Variants in FIGN observed in about 807,000 individuals in gnomAD.
The protein encoded by FIGN is fidgetin.
In FIGN, 11 loss-of-function variants were observed where a neutral mutation model predicts 51.3. That is an observed-to-expected ratio of 0.21 (90% CI 0.13 to 0.35). The LOEUF (loss-of-function observed/expected upper bound fraction) is 0.35. Among genes scored for constraint, FIGN ranks in the 10% least tolerant of loss-of-function variants. FIGN has a pLI of 1.00. For missense variants in FIGN, 857 were observed against 943.6 expected (o/e 0.91, Z 1.20); for synonymous variants, 407 against 363.2 (o/e 1.12, Z -1.37).
chr2:163,611,872 C>T (rs1691270240), intron 2 of FIGN, 66 bp from the exon 3 acceptor site: 2 of 1,392,654 alleles, frequency 1.4e-6, no homozygotes, highest in Non-Finnish European at 1.9e-6. Flanking sequence ...AAAGCTTTTC[C>T]CCCAATTTCT....
chr2:163,663,111 G>T (rs1467362794), intron 2 of FIGN, among the ~76,000 whole-genome samples: 1 of 151,998 alleles, frequency 6.6e-6, no homozygotes, highest in African/African-American at 2.4e-5. Context: ...GGTAGAGATG[G>T]GGTTTCACCA....
chr2:163,735,019 T>C lies in FIGN; in HGVS notation c.-92A>G, dbSNP rs769037464. Reference sequence around the variant, plus strand: ...CATTAAAGCCACTTTTCCTCTCAGCTATCAAATGTCACTGCCTTGAAACGT... The same window carrying C: ...CATTAAAGCCACTTTTCCTCTCAGCCATCAAATGTCACTGCCTTGAAACGT... On this transcript the variant is annotated 5_prime_UTR_variant, in exon 2 of 3. In the 5' UTR this introduces an upstream ATG that the reference lacks. Coordinates refer to ENST00000333129, the MANE Select transcript of FIGN (RefSeq NM_018086.4). The C allele has an allele frequency of 7.4e-7, 1 of 1,358,878 alleles. No homozygotes were observed. The highest frequency in any genetic ancestry group is 1.2e-5 in the South Asian group (1 of 81,222). The allele number at this position is 1,358,878 out of a possible 1,614,324, so 84.2% of individuals were successfully genotyped here. A position where few individuals can be genotyped will look rare whatever the true frequency, so the allele number is the denominator to read the frequency against.
chr2:163,669,721 G>A (rs1683845211), intron 2 of FIGN, among the ~76,000 whole-genome samples: 2 of 152,156 alleles, frequency 1.3e-5, no homozygotes, highest in African/African-American at 4.8e-5. Context: ...AGATGACAAA[G>A]AGTTCACAAG....
intron 2 of FIGN, among the ~76,000 whole-genome samples, chr2:163,614,509 G>A (rs1682836272): frequency 6.6e-6 from 1 of 151,776 alleles, no homozygotes; most frequent in Non-Finnish European, 1.5e-5. Context: ...TTCTATTATG[G>A]TTCTTTTCTT....
chr2:163,609,486 C>T lies in FIGN; in HGVS notation c.*66G>A, dbSNP rs1691181686. The T allele has an allele frequency of 7.2e-7, 1 of 1,382,858 alleles. No individual in the cohort carries two copies. The highest frequency in any genetic ancestry group is 1.3e-5 in the South Asian group (1 of 74,764). The allele number at this position is 1,382,858 out of a possible 1,614,324, so 85.7% of individuals were successfully genotyped here. A position where few individuals can be genotyped will look rare whatever the true frequency, so the allele number is the denominator to read the frequency against. ...AACTCTACTGGAAAGGGGCTCTATT[C>T]CCTATGTAGCAGGTTTTATGTGTGT... On this transcript the variant is annotated 3_prime_UTR_variant, in exon 3 of 3. Transcript: ENST00000333129.
At chr2:163,697,204 G>A (rs954761987) in intron 2 of FIGN, among the ~76,000 whole-genome samples, 6 of 148,632 alleles carry the variant, frequency 4.0e-5, no homozygotes, top group East Asian at 2.0e-4. Context: ...GGGTTCAAGC[G>A]ATTCACCTGC....
At chr2:163,614,357 A>G (rs1386686744) in intron 2 of FIGN, among the ~76,000 whole-genome samples, 1 of 152,182 alleles carries the variant, frequency 6.6e-6, no homozygotes, top group Non-Finnish European at 1.5e-5. Context: ...ACCAATCGCA[A>G]GTAATCAGTA....
In FIGN at chr2:163,602,837, C is replaced by G. The variant is rs1481905779; in HGVS notation, c.*6715G>C. 1 of 151,896 alleles carries G rather than the reference C, an allele frequency of 6.6e-6. No homozygotes were observed. The highest frequency in any genetic ancestry group is 6.6e-5 in the Admixed American group (1 of 15,216). The allele number at this position is 151,896 out of a possible 1,614,324, so 9.4% of individuals were successfully genotyped here. A position where few individuals can be genotyped will look rare whatever the true frequency, so the allele number is the denominator to read the frequency against. ...GCAAGTATTTATGAAAAGGAATATT[C>G]AGTAGGGACAGTTGTTACAATACTG... On this transcript the variant is annotated 3_prime_UTR_variant, in exon 3 of 3. Coordinates refer to ENST00000333129, the MANE Select transcript of FIGN (RefSeq NM_018086.4).
chr2:163,622,174 T>C (rs974787918), intron 2 of FIGN, among the ~76,000 whole-genome samples: 3 of 152,074 alleles, frequency 2.0e-5, no homozygotes, highest in African/African-American at 7.2e-5. Flanking sequence ...AAAATTAAAG[T>C]TGCTCTTTAC....
intron 2 of FIGN, among the ~76,000 whole-genome samples, chr2:163,712,374 CA>C (rs1161488107): frequency 6.6e-6 from 1 of 151,828 alleles, no homozygotes; most frequent in Non-Finnish European, 1.5e-5. Context: ...AGTTAAAAAA[CA>C]AAAAAAGGAC....
At chr2:163,665,310 A>C (rs532060304) in intron 2 of FIGN, among the ~76,000 whole-genome samples, 11 of 152,376 alleles carry the variant, frequency 7.2e-5, no homozygotes, top group African/African-American at 2.4e-4. Context: ...GCCATTCTTC[A>C]TGTAAGAAAG....
intron 2 of FIGN, among the ~76,000 whole-genome samples, chr2:163,645,245 A>G (rs1561608): frequency 0.86 from 131,169 of 152,102 alleles, 56,755 homozygotes; most frequent in Middle Eastern, 0.91. Flanking sequence ...CATGTTCAGG[A>G]AAAGAAGAGA....
chr2:163,730,625 T>G (rs1684913321), intron 2 of FIGN, among the ~76,000 whole-genome samples: 1 of 152,026 alleles, frequency 6.6e-6, no homozygotes, highest in Non-Finnish European at 1.5e-5. Flanking sequence ...AATAAAACAC[T>G]AGCTCTTGTA....
At chr2:163,626,553 T>G (rs1471259350) in intron 2 of FIGN, among the ~76,000 whole-genome samples, 3 of 152,084 alleles carry the variant, frequency 2.0e-5, no homozygotes, top group Non-Finnish European at 4.4e-5. Context: ...ATCATTTTGG[T>G]GGGTTTTAAA....
chr2:163,730,991 A>C (rs59271753), intron 2 of FIGN, among the ~76,000 whole-genome samples: 3,839 of 152,308 alleles, frequency 0.025, 58 homozygotes, highest in Middle Eastern at 0.061. Flanking sequence ...CAAGGTTCTA[A>C]GAACTAGAAA....
chr2:163,659,054 C>T (rs73974365), intron 2 of FIGN, among the ~76,000 whole-genome samples: 11,530 of 152,070 alleles, frequency 0.076, 1,365 homozygotes, highest in African/African-American at 0.25. Context: ...ATCTAACCTT[C>T]GAAGTTCATA....
intron 2 of FIGN, among the ~76,000 whole-genome samples, chr2:163,699,107 A>T (rs751346473): frequency 8.5e-5 from 13 of 152,140 alleles, no homozygotes; most frequent in African/African-American, 2.4e-5. Flanking sequence ...GAGGGAAAGC[A>T]CACTCTACAC....
chr2:163,714,673 C>T (rs1684641778), intron 2 of FIGN, among the ~76,000 whole-genome samples: 2 of 152,176 alleles, frequency 1.3e-5, no homozygotes, highest in Non-Finnish European at 2.9e-5. Flanking sequence ...TTAGCATCTT[C>T]CAACTTTGGC....
At chr2:163,699,592 C>G (rs531418518) in intron 2 of FIGN, among the ~76,000 whole-genome samples, 8 of 152,012 alleles carry the variant, frequency 5.3e-5, no homozygotes, top group Non-Finnish European at 1.2e-4. Flanking sequence ...AAAATAATGA[C>G]GCAAAAATTC....
Sources: gnomAD v4.1 joint callset for allele counts (sites outside exome capture counted in the v4.1 genomes callset) on GRCh38, gnomAD v4.1.1 for gene constraint, MANE v1.5 for transcripts, NCBI Gene and HGNC (gene_info 2026-07-23, HGNC 2026-07-21) for gene names.